ADAMTSL1: variants seen among roughly 807,000 people sequenced by gnomAD.
The protein encoded by ADAMTSL1 is ADAMTS-like protein 1.
A neutral mutation model predicts 201.8 loss-of-function variants in ADAMTSL1; 126 were observed. The ratio of observed to expected loss-of-function variants is 0.62; its 90% CI spans 0.54 to 0.72. The LOEUF is 0.72. Ranked by LOEUF, ADAMTSL1 falls within the 30% of genes least tolerant of loss-of-function variation. The probability of loss-of-function intolerance (pLI) is 0.00; values close to 1 mark genes in which losing one functional copy is unlikely to be tolerated. For synonymous variants in ADAMTSL1, 1,121 were observed against 903.4 expected, an observed-to-expected ratio of 1.24 and a Z score of -4.32; for missense variants, 2,679 against 2,277.8, an observed-to-expected ratio of 1.18 and a Z score of -3.59.
chr9:17,907,942 C>T (rs1180592916), intron 1 of ADAMTSL1, among the ~76,000 whole-genome samples: 2 of 152,180 alleles, frequency 1.3e-5, no homozygotes, highest in African/African-American at 4.8e-5. Flanking sequence ...GCCAGATAGC[C>T]TCCCTTTCCT....
intron 1 of ADAMTSL1, among the ~76,000 whole-genome samples, chr9:18,051,633 A>G (rs1408512674): frequency 1.3e-5 from 2 of 151,676 alleles, no homozygotes; most frequent in Non-Finnish European, 2.9e-5. Flanking sequence ...TTTATTTACC[A>G]TGTAAATGGC....
At chr9:18,653,513 T>C (rs1828426164) in intron 7 of ADAMTSL1, among the ~76,000 whole-genome samples, 1 of 152,092 alleles carries the variant, frequency 6.6e-6, no homozygotes, top group African/African-American at 2.4e-5. Context: ...CAGTGGCTTA[T>C]GCCTGGAATG....
chr9:18,513,884 T>C (rs1261570872), intron 2 of ADAMTSL1, among the ~76,000 whole-genome samples: 1 of 152,208 alleles, frequency 6.6e-6, no homozygotes, highest in Non-Finnish European at 1.5e-5. Flanking sequence ...CCATACTATT[T>C]TAATTTCTGT....
chr9:18,532,879 T>C (rs1337666554), intron 2 of ADAMTSL1, among the ~76,000 whole-genome samples: 1 of 151,922 alleles, frequency 6.6e-6, no homozygotes, highest in Non-Finnish European at 1.5e-5. Flanking sequence ...TTTCAAGATC[T>C]AAGTTTTTCA....
intron 5 of ADAMTSL1, among the ~76,000 whole-genome samples, chr9:18,628,198 C>CT (rs34821893): frequency 0.75 from 114,301 of 151,964 alleles, 43,091 homozygotes; most frequent in Middle Eastern, 0.79. Context: ...AGATTTTCTC[C>CT]GTGTTTTCTT....
chr9:18,767,704 C>T (rs1024534917), intron 16 of ADAMTSL1, among the ~76,000 whole-genome samples: 6 of 152,146 alleles, frequency 3.9e-5, no homozygotes, highest in South Asian at 2.1e-4. Context: ...CTAGGCAGTG[C>T]GGGTACAAAA....
chr9:18,267,884 T>A (rs139833287), intron 2 of ADAMTSL1, among the ~76,000 whole-genome samples: 1 of 151,996 alleles, frequency 6.6e-6, no homozygotes, highest in Non-Finnish European at 1.5e-5. Flanking sequence ...AATGAAAGAT[T>A]TCTTAGAGAT....
intron 1 of ADAMTSL1, among the ~76,000 whole-genome samples, chr9:18,481,280 C>T (rs1821715380): frequency 6.6e-6 from 1 of 152,136 alleles, no homozygotes; most frequent in Non-Finnish European, 1.5e-5. Flanking sequence ...TGCAGTGGCT[C>T]ACATCTGTAA....
intron 2 of ADAMTSL1, among the ~76,000 whole-genome samples, chr9:18,310,516 A>T (rs1834106333): frequency 6.6e-6 from 1 of 152,088 alleles, no homozygotes; most frequent in African/African-American, 2.4e-5. Flanking sequence ...TTACAAGAAA[A>T]AACAACCCCA....
At chr9:18,105,005 G>T (rs536892867) in intron 1 of ADAMTSL1, among the ~76,000 whole-genome samples, 10 of 152,048 alleles carry the variant, frequency 6.6e-5, no homozygotes, top group African/African-American at 2.4e-4. Context: ...TTAAGGAAGA[G>T]GTCAAGGCCG....
intron 10 of ADAMTSL1, among the ~76,000 whole-genome samples, chr9:18,679,814 T>A (rs1830347628): frequency 7.2e-6 from 1 of 139,766 alleles, no homozygotes. Flanking sequence ...ACCTTGATCT[T>A]TTATGAGCTT....
intron 2 of ADAMTSL1, among the ~76,000 whole-genome samples, chr9:18,198,103 C>G (rs1352390162): frequency 2.0e-5 from 3 of 152,082 alleles, no homozygotes; most frequent in African/African-American, 4.8e-5. Context: ...ATACAAAAAT[C>G]AATTCAAGAT....
At chr9:18,413,496 A>G (rs1410473189) in intron 2 of ADAMTSL1, among the ~76,000 whole-genome samples, 2 of 152,150 alleles carry the variant, frequency 1.3e-5, no homozygotes, top group Admixed American at 1.3e-4. Context: ...AAACATGCTT[A>G]TCTACCGATT....
intron 7 of ADAMTSL1, among the ~76,000 whole-genome samples, chr9:18,645,813 CAGGT>C (rs1474411878): frequency 7.3e-6 from 1 of 136,778 alleles, no homozygotes; most frequent in Non-Finnish European, 1.6e-5. Flanking sequence ...AGTTTGAAGT[CAGGT>C]AGTGTGATGC....
chr9:17,948,685 A>G (rs72695964), intron 1 of ADAMTSL1, among the ~76,000 whole-genome samples: 6,700 of 152,316 alleles, frequency 0.044, 224 homozygotes, highest in Non-Finnish European at 0.06. Context: ...CATGGCAGAA[A>G]TAAGTACAAA....
chr9:17,938,995 T>C (rs1026193464), intron 1 of ADAMTSL1, among the ~76,000 whole-genome samples: 4 of 152,122 alleles, frequency 2.6e-5, no homozygotes, highest in African/African-American at 7.2e-5. Context: ...TCCCTCCTTA[T>C]GTTTATGGCC....
Position 18,776,964 on chromosome 9 carries a change from A to C in ADAMTSL1, c.2735A>C (p.Glu912Ala). The part of the protein sequence containing the change: ...RRVRKPLITW[E>A]KDGQHLISST... Reference sequence around the variant, plus strand: ...GTCCGCAAGCCCCTCATCACCTGGGAGAAGGACGGCCAGCACCTCATCAGC... The same window carrying C: ...GTCCGCAAGCCCCTCATCACCTGGGCGAAGGACGGCCAGCACCTCATCAGC... The change falls in exon 19 of 29, where the codon GAG (glutamate) becomes GCG (alanine). Residue 912 changes from glutamate (E) to alanine (A), a missense_variant. Coordinates refer to ENST00000380548, the MANE Select transcript of ADAMTSL1 (RefSeq NM_001040272.6). The C allele has an allele frequency of 6.3e-7, 1 of 1,598,010 alleles. No individual in the cohort carries two copies. The highest frequency in any genetic ancestry group is 8.5e-7 in the Non-Finnish European group (1 of 1,170,758).
chr9:18,818,706 G>A (rs1479296311), intron 21 of ADAMTSL1, among the ~76,000 whole-genome samples: 1 of 152,010 alleles, frequency 6.6e-6, no homozygotes, highest in African/African-American at 2.4e-5. Flanking sequence ...TGGGAGGATC[G>A]TTTGAGCCCA....
intron 2 of ADAMTSL1, among the ~76,000 whole-genome samples, chr9:18,437,428 A>G (rs1189177306): frequency 6.6e-6 from 1 of 152,068 alleles, no homozygotes; most frequent in Non-Finnish European, 1.5e-5. Context: ...TAGTCATGAC[A>G]GACTGCAGTC....
Sources: gnomAD v4.1 joint callset for allele counts (sites outside exome capture counted in the v4.1 genomes callset) on GRCh38, gnomAD v4.1.1 for gene constraint, MANE v1.5 for transcripts, NCBI Gene and HGNC (gene_info 2026-07-23, HGNC 2026-07-21) for gene names.